Variants in LTBP1 observed in about 807,000 individuals in gnomAD.
LTBP1 encodes latent-transforming growth factor beta-binding protein 1.
LTBP1 carries 129 observed loss-of-function variants against 207.6 expected under a neutral mutation model. That is an observed-to-expected ratio of 0.62 (90% CI 0.54 to 0.72). The LOEUF is 0.72. Ranked by LOEUF, LTBP1 falls within the 30% of genes least tolerant of loss-of-function variation. The probability of loss-of-function intolerance (pLI) is 0.00; values close to 1 mark genes in which losing one functional copy is unlikely to be tolerated. For missense variants in LTBP1, 2,281 were observed against 2,217.2 expected, an observed-to-expected ratio of 1.03 and a Z score of -0.58; for synonymous variants, 963 against 833.7, an observed-to-expected ratio of 1.16 and a Z score of -2.67.
chr2:33,243,645 A>T lies in LTBP1; in HGVS notation c.1877-17A>T, dbSNP rs373080310. 1 of 1,612,648 alleles carries T rather than the reference A, an allele frequency of 6.2e-7. No homozygotes were observed. The highest frequency in any genetic ancestry group is 8.5e-7 in the Non-Finnish European group (1 of 1,179,258). ...GGGGCTTGACTGCTCCTTCTAAAGA[A>T]TTGTGTTTTCCTGCAGATATTAATG... On this transcript the variant is annotated splice_polypyrimidine_tract_variant and intron_variant, in intron 9 of 33. Transcript: ENST00000404816.
chr2:33,065,470 C>A (rs372665315), intron 3 of LTBP1, among the ~76,000 whole-genome samples: 3 of 152,216 alleles, frequency 2.0e-5, no homozygotes, highest in African/African-American at 7.2e-5. Context: ...CGGAGGATTA[C>A]TTGAGCTCAG....
At position 33,272,222 on chromosome 2, in the gene LTBP1, A is replaced by G. The variant is rs201287145; in HGVS notation, c.2618-1434A>G. The stretch of plus-strand genomic sequence containing the variant: ...CCAATTTAGGTCATTTCCATAGTGA[A>G]TCTGTGTTAAAGCACTGTTTTCCAC... On this transcript the variant is annotated intron_variant, in intron 15 of 33. Coordinates refer to ENST00000404816, the MANE Select transcript of LTBP1 (RefSeq NM_206943.4). Among the ~76,000 whole-genome samples the G allele has an allele frequency of 1.1e-3, 174 of 152,346 alleles. 1 individual carries two copies. The highest frequency in any genetic ancestry group is 3.1e-3 in the East Asian group (16 of 5,188).
intron 3 of LTBP1, among the ~76,000 whole-genome samples, chr2:33,090,195 G>A (rs763009144): frequency 1.3e-5 from 2 of 152,230 alleles, no homozygotes; most frequent in African/African-American, 2.4e-5. Context: ...CAGACATGGT[G>A]AAATGTTTCA....
In LTBP1 at chr2:32,987,397, G is replaced by C. The variant is rs757901831; in HGVS notation, c.566-33512G>C. Among the ~76,000 whole-genome samples the C allele has an allele frequency of 5.3e-5, 8 of 151,994 alleles. No individual in the cohort carries two copies. In the East Asian group the frequency reaches 1.5e-3, roughly 29 times the overall value. On this transcript the variant is annotated intron_variant, in intron 2 of 33. Transcript: ENST00000404816. The stretch of plus-strand genomic sequence containing the variant: ...TGCTTGCTGTTCATGTATTGAGGGG[G>C]TTGCATCAGCTGGGCCAGCCTTTAG...
At chr2:33,189,465 G>T (rs1468395974) in intron 7 of LTBP1, among the ~76,000 whole-genome samples, 2 of 152,134 alleles carry the variant, frequency 1.3e-5, no homozygotes, top group Non-Finnish European at 2.9e-5. Flanking sequence ...CACAGTGCTG[G>T]GATTATAGGC....
At chr2:33,168,069 T>C (rs1018501654) in intron 5 of LTBP1, among the ~76,000 whole-genome samples, 2 of 152,198 alleles carry the variant, frequency 1.3e-5, no homozygotes, top group African/African-American at 4.8e-5. Flanking sequence ...CCTATCACTC[T>C]GTGCATAGTT....
intron 10 of LTBP1, among the ~76,000 whole-genome samples, chr2:33,244,992 C>T (rs1341321354): frequency 6.6e-6 from 1 of 152,182 alleles, no homozygotes; most frequent in Non-Finnish European, 1.5e-5. Context: ...GATTCTCCTA[C>T]CTCAGCCTCC....
At chr2:33,299,704 A>G (rs1025328226) in intron 20 of LTBP1, among the ~76,000 whole-genome samples, 1 of 152,270 alleles carries the variant, frequency 6.6e-6, no homozygotes, top group Non-Finnish European at 1.5e-5. Flanking sequence ...AAACAAAAAC[A>G]TCTGGAAGAC....
intron 10 of LTBP1, 73 bp downstream of exon 10, chr2:33,243,857 C>G (rs1380977265): frequency 1.7e-5 from 26 of 1,536,902 alleles, no homozygotes; most frequent in African/African-American, 2.7e-5. Flanking sequence ...AACGGAAATA[C>G]TCAGTGGCCA....
In LTBP1 at chr2:33,275,919, T is replaced by C; in HGVS notation, c.2988T>C (p.Cys996=). ...ACCGCATGACTCAGAGAGGCCGTTG[T>C]GAGGGTGAGTCAGCTGAGAGTGTTC... ...SGYRMTQRGR[C]EDIDECLNPS... is the part of the protein sequence containing the mutation. The change falls in exon 18 of 34, where the codon TGT becomes TGC. Residue 996 remains cysteine (C), a synonymous_variant. Coordinates refer to ENST00000404816, the MANE Select transcript of LTBP1 (RefSeq NM_206943.4). 2 of 1,587,132 alleles carry C rather than the reference T, an allele frequency of 1.3e-6. No individual in the cohort carries two copies. Among genetic ancestry groups the C allele is most frequent in the South Asian group, 2.3e-5 (2 of 85,402 alleles).
intron 4 of LTBP1, among the ~76,000 whole-genome samples, chr2:33,112,767 G>T (rs2080489165): frequency 6.6e-6 from 1 of 152,128 alleles, no homozygotes; most frequent in African/African-American, 2.4e-5. Context: ...GTAGTAGGAG[G>T]GACCTAAACA....
rs1315069592 is a variant in LTBP1, at chr2:32,947,751, G to A, written c.427G>A (p.Val143Met). 1 of 1,532,242 alleles carries A rather than the reference G, an allele frequency of 6.5e-7. No individual in the cohort carries two copies. The highest frequency in any genetic ancestry group is 8.8e-7 in the Non-Finnish European group (1 of 1,140,438). The allele number at this position is 1,532,242 out of a possible 1,614,324, so 94.9% of individuals were successfully genotyped here. Residue 143 changes from valine to methionine, a missense_variant, in exon 1 of 34, where the codon GTG becomes ATG. Physicochemically the swap from Val to Met is conservative, Grantham distance 21. Coordinates refer to ENST00000404816, the MANE Select transcript of LTBP1 (RefSeq NM_206943.4). ...KQGRQVVRSKVPQETQSGGGS... is the reference protein window; with the variant it reads ...KQGRQVVRSKMPQETQSGGGS... The stretch of plus-strand genomic sequence containing the variant: ...AGGCAGGCAAGTTGTGCGCTCCAAG[G>A]TGCCGCAGGAGACCCAGAGCGGCGG...
chr2:33,145,544 G>A (rs1034669575), intron 5 of LTBP1, among the ~76,000 whole-genome samples: 6 of 152,164 alleles, frequency 3.9e-5, no homozygotes, highest in Non-Finnish European at 7.3e-5. Flanking sequence ...GTCTTATTTA[G>A]CAAGATTAGA....
rs1573134081 is a variant in LTBP1 at position 33,020,987 on chromosome 2, G to C, written c.644G>C (p.Gly215Ala). The C allele has an allele frequency of 5.0e-6, 8 of 1,613,434 alleles. No homozygotes were observed. The East Asian group carries it at 1.1e-4, about 22-fold the overall frequency. ...TGTGTGTGTAAACCAGGGACCAAGG[G>C]CAAAGCCTGTGAAACAATAGCTGCC... ...QLCVCKPGTKGKACETIAAQD... is the reference protein window; with the variant it reads ...QLCVCKPGTKAKACETIAAQD... Residue 215 changes from glycine to alanine, a missense_variant, in exon 3 of 34, where the codon GGC becomes GCC. Physicochemically the swap from Gly to Ala is moderately conservative, Grantham distance 60 (BLOSUM62 0). Transcript: ENST00000404816.
chr2:33,137,909 C>G (rs989412633), intron 5 of LTBP1, among the ~76,000 whole-genome samples: 6 of 152,210 alleles, frequency 3.9e-5, no homozygotes, highest in Non-Finnish European at 7.3e-5. Context: ...ATAAGAGGGA[C>G]AAGGTGAAGG....
intron 2 of LTBP1, among the ~76,000 whole-genome samples, chr2:32,952,277 C>T (rs967302030): frequency 9.2e-5 from 14 of 152,150 alleles, no homozygotes; most frequent in African/African-American, 2.7e-4. Flanking sequence ...AACAAGCAAG[C>T]GGCAGACTCA....
rs529647886 is a variant in LTBP1, at chr2:33,052,461, C to T, written c.863+31255C>T. Among the ~76,000 whole-genome samples, 39 of 152,268 alleles carry T rather than the reference C, an allele frequency of 2.6e-4. 3 individuals are homozygous for T. The South Asian group carries it at 5.2e-3, about 20-fold the overall frequency. On this transcript the variant is annotated intron_variant, in intron 3 of 33. Coordinates refer to ENST00000404816, the MANE Select transcript of LTBP1 (RefSeq NM_206943.4). ...ACCAGACCAAACCCCTATTATTGAA[C>T]GCTAAGAGAAATGGATTTTTTTAAA...
intron 3 of LTBP1, among the ~76,000 whole-genome samples, chr2:33,059,907 A>G (rs1222397818): frequency 6.6e-6 from 1 of 152,248 alleles, no homozygotes; most frequent in Non-Finnish European, 1.5e-5. Flanking sequence ...TCTATGGCAA[A>G]TAGGAAGACA....
intron 7 of LTBP1, among the ~76,000 whole-genome samples, chr2:33,209,689 T>C (rs2090150900): frequency 6.6e-6 from 1 of 152,256 alleles, no homozygotes; most frequent in Non-Finnish European, 1.5e-5. Flanking sequence ...GTGTTTATTT[T>C]ATACATCTCT....
Sources: allele counts gnomAD v4.1 joint callset (sites outside exome capture counted in the v4.1 genomes callset), GRCh38; gene constraint gnomAD v4.1.1; transcripts MANE v1.5; gene names NCBI Gene and HGNC (gene_info 2026-07-23, HGNC 2026-07-21).